MAGI2: variants seen among roughly 807,000 people sequenced by gnomAD.
MAGI2 encodes membrane associated guanylate kinase, WW and PDZ domain containing 2.
Under a neutral mutation model 133.3 loss-of-function variants are expected in MAGI2, and 35 were observed. The ratio of observed to expected loss-of-function variants is 0.26; its 90% CI spans 0.20 to 0.35. The LOEUF is 0.35. Among genes scored for constraint, MAGI2 ranks in the 10% least tolerant of loss-of-function variants. The pLI is 1.00. For synonymous variants in MAGI2, 729 were observed against 710.6 expected, an observed-to-expected ratio of 1.03 and a Z score of -0.41; for missense variants, 1,636 against 1,863.4, an observed-to-expected ratio of 0.88 and a Z score of 2.25.
At chr7:78,825,663 A>T (rs913392542) in intron 2 of MAGI2, among the ~76,000 whole-genome samples, 3 of 152,198 alleles carry the variant, frequency 2.0e-5, no homozygotes, top group Non-Finnish European at 4.4e-5. Context: ...TTTAGCTAAG[A>T]TTCAATCTTA....
chr7:78,655,464 A>AAAAAAACGAAAAAC (rs1554515314), intron 2 of MAGI2, among the ~76,000 whole-genome samples: 1 of 147,056 alleles, frequency 6.8e-6, no homozygotes, highest in East Asian at 2.1e-4. Context: ...CAAAAAAAAA[A>AAAAAAACGAAAAAC]AAAAAAAAAA....
intron 10 of MAGI2, among the ~76,000 whole-genome samples, chr7:78,212,875 C>T (rs1000668505): frequency 2.6e-5 from 4 of 152,148 alleles, no homozygotes; most frequent in Non-Finnish European, 2.9e-5. Flanking sequence ...TGGGGTTTCA[C>T]CATGTTGCCC....
chr7:78,406,149 T>C (rs546211013), intron 6 of MAGI2, among the ~76,000 whole-genome samples: 12 of 152,004 alleles, frequency 7.9e-5, no homozygotes, highest in Non-Finnish European at 1.6e-4. Flanking sequence ...AAATTATAGA[T>C]ATATTAATGA....
intron 1 of MAGI2, among the ~76,000 whole-genome samples, chr7:79,275,284 T>C (rs758870301): frequency 6.6e-6 from 1 of 152,158 alleles, no homozygotes; most frequent in Non-Finnish European, 1.5e-5. Flanking sequence ...ATACAAATGA[T>C]AAGAAGTCAA....
At chr7:78,642,468 C>G (rs918648118) in intron 2 of MAGI2, among the ~76,000 whole-genome samples, 2 of 152,178 alleles carry the variant, frequency 1.3e-5, no homozygotes, top group Non-Finnish European at 2.9e-5. Context: ...AGCCCTCTAG[C>G]AAGACTATGT....
chr7:78,222,110 GA>G, intron 10 of MAGI2, among the ~76,000 whole-genome samples: 1 of 152,082 alleles, frequency 6.6e-6, no homozygotes, highest in Middle Eastern at 3.4e-3. Context: ...CAGGAGAGAT[GA>G]GAGGTTTATG....
intron 10 of MAGI2, among the ~76,000 whole-genome samples, chr7:78,221,733 C>T (rs1788848415): frequency 6.6e-6 from 1 of 151,818 alleles, no homozygotes; most frequent in African/African-American, 2.4e-5. Context: ...TGGCTCACAC[C>T]TATAATCCCA....
intron 3 of MAGI2, among the ~76,000 whole-genome samples, chr7:78,587,013 T>C (rs760226035): frequency 6.6e-6 from 1 of 152,228 alleles, no homozygotes; most frequent in Non-Finnish European, 1.5e-5. Context: ...CTTTTGGCTA[T>C]TGTAAATAAT....
intron 9 of MAGI2, among the ~76,000 whole-genome samples, chr7:78,321,184 G>C (rs1787966009): frequency 6.6e-6 from 1 of 152,124 alleles, no homozygotes; most frequent in Non-Finnish European, 1.5e-5. Context: ...CATGAAAATG[G>C]CCACACTGCC....
chr7:78,381,888 A>G (rs918751310), intron 6 of MAGI2, among the ~76,000 whole-genome samples: 1 of 152,210 alleles, frequency 6.6e-6, no homozygotes, highest in African/African-American at 2.4e-5. Context: ...ATTTGGCAGT[A>G]GCTAACATAA....
At chr7:79,073,281 T>TC (rs1441370901) in intron 1 of MAGI2, among the ~76,000 whole-genome samples, 4 of 152,154 alleles carry the variant, frequency 2.6e-5, no homozygotes, top group Admixed American at 6.5e-5. Flanking sequence ...AAAAGGTAAT[T>TC]ACTGCCAGAA....
intron 10 of MAGI2, among the ~76,000 whole-genome samples, chr7:78,225,732 A>G (rs1307471176): frequency 6.6e-6 from 1 of 152,190 alleles, no homozygotes; most frequent in Non-Finnish European, 1.5e-5. Context: ...AGAGAGGTCA[A>G]TTTCTTTCTA....
At chr7:78,838,980 A>C (rs1308100770) in intron 2 of MAGI2, among the ~76,000 whole-genome samples, 3 of 152,084 alleles carry the variant, frequency 2.0e-5, no homozygotes, top group Non-Finnish European at 4.4e-5. Context: ...ACTTATGTGC[A>C]TATGTTTGAA....
At chr7:78,181,635 A>C (rs143129302) in intron 13 of MAGI2, among the ~76,000 whole-genome samples, 1 of 152,334 alleles carries the variant, frequency 6.6e-6, no homozygotes, top group South Asian at 2.1e-4. Flanking sequence ...GGAACAAAGC[A>C]TCTCATGATC....
intron 21 of MAGI2, among the ~76,000 whole-genome samples, chr7:78,052,120 C>G (rs942037479): frequency 6.6e-6 from 1 of 151,800 alleles, no homozygotes; most frequent in East Asian, 1.9e-4. Context: ...ATCCACTCAC[C>G]CTGGCCTCCC....
At chr7:78,754,467 T>G (rs1306795577) in intron 2 of MAGI2, among the ~76,000 whole-genome samples, 1 of 152,134 alleles carries the variant, frequency 6.6e-6, no homozygotes, top group Non-Finnish European at 1.5e-5. Flanking sequence ...AAATTACGCT[T>G]TAAATGTCCA....
intron 1 of MAGI2, among the ~76,000 whole-genome samples, chr7:79,163,302 A>G (rs542276980): frequency 1.3e-5 from 2 of 152,158 alleles, no homozygotes; most frequent in South Asian, 2.1e-4. Context: ...CAGCCTCTCA[A>G]GTAGCTGGGA....
intron 1 of MAGI2, among the ~76,000 whole-genome samples, chr7:79,127,029 C>T (rs1022720157): frequency 4.6e-5 from 7 of 151,496 alleles, no homozygotes; most frequent in Non-Finnish European, 1.0e-4. Context: ...CAATTCCCAC[C>T]TATGAGTGAG....
chr7:79,120,345 C>T (rs1819780124), intron 1 of MAGI2, among the ~76,000 whole-genome samples: 1 of 152,086 alleles, frequency 6.6e-6, no homozygotes, highest in Admixed American at 6.6e-5. Context: ...TGGGAATTTG[C>T]AAATACATTT....
Sources: allele counts gnomAD v4.1 joint callset (sites outside exome capture counted in the v4.1 genomes callset), GRCh38; gene constraint gnomAD v4.1.1; transcripts MANE v1.5; gene names NCBI Gene and HGNC (gene_info 2026-07-23, HGNC 2026-07-21).